GLI2: variants seen among roughly 807,000 people sequenced by gnomAD.
The protein encoded by GLI2 is transcription activator GLI2.
GLI2 carries 22 observed loss-of-function variants against 78.9 expected under a neutral mutation model. That is an observed-to-expected ratio of 0.28 (90% CI 0.20 to 0.40). The LOEUF (loss-of-function observed/expected upper bound fraction) is 0.40, where lower values mean the gene tolerates loss of function less well. Ranked by LOEUF, GLI2 falls within the 10% of genes least tolerant of loss-of-function variation. GLI2 has a pLI of 1.00. For synonymous variants in GLI2, 974 were observed against 963.7 expected (o/e 1.01, Z -0.20); for missense variants, 2,097 against 2,213.2 (o/e 0.95, Z 1.05).
At chr2:120,804,661 G>C (rs1405695277) in intron 2 of GLI2, among the ~76,000 whole-genome samples, 1 of 152,222 alleles carries the variant, frequency 6.6e-6, no homozygotes, top group African/African-American at 2.4e-5. Context: ...ATGCTGCTGG[G>C]CTTGTTTTAT....
In GLI2 at chr2:120,929,937, A is replaced by C. The variant is rs1573620522; in HGVS notation, c.254+2471A>C. Among the ~76,000 whole-genome samples, 3 of 152,320 alleles carry C rather than the reference A, an allele frequency of 2.0e-5. No individual in the cohort carries two copies. In the South Asian group the frequency reaches 6.2e-4, roughly 32 times the overall value. Reference sequence around the variant, plus strand: ...CCAGTCAGTGGTGTCTGAGACTCCTAGGAGCATCCAGGGAGCTCAGTCCCT... The same window carrying C: ...CCAGTCAGTGGTGTCTGAGACTCCTCGGAGCATCCAGGGAGCTCAGTCCCT... On this transcript the variant is annotated intron_variant, in intron 3 of 13. Coordinates refer to ENST00000361492, the MANE Select transcript of GLI2 (RefSeq NM_001374353.1).
chr2:120,794,628 CGT>C (rs1684301827), intron 1 of GLI2, among the ~76,000 whole-genome samples: 1 of 151,916 alleles, frequency 6.6e-6, no homozygotes, highest in Non-Finnish European at 1.5e-5. Flanking sequence ...TCACAGTCTT[CGT>C]GTGTGTGGCG....
chr2:120,984,852 C>T, intron 12 of GLI2, 109 bp downstream of exon 12: 1 of 1,092,024 alleles, frequency 9.2e-7, no homozygotes, highest in Non-Finnish European at 1.4e-6. Flanking sequence ...TCTAGGGGCA[C>T]AGCGATATCC....
chr2:120,869,318 A>G (rs11681911), intron 2 of GLI2, among the ~76,000 whole-genome samples: 3 of 152,224 alleles, frequency 2.0e-5, no homozygotes, highest in Non-Finnish European at 2.9e-5. Flanking sequence ...GCCACTTGGT[A>G]TAATGGGCAC....
At chr2:120,790,451 T>G (rs1684117894) in intron 1 of GLI2, among the ~76,000 whole-genome samples, 1 of 152,144 alleles carries the variant, frequency 6.6e-6, no homozygotes, top group South Asian at 2.1e-4. Flanking sequence ...GCTCCCCTCC[T>G]GAGTTTGCCA....
intron 2 of GLI2, among the ~76,000 whole-genome samples, chr2:120,867,598 G>A (rs1221727971): frequency 6.6e-6 from 1 of 152,228 alleles, no homozygotes; most frequent in Non-Finnish European, 1.5e-5. Context: ...CCGCACGCTG[G>A]GTAAGTTGAA....
In GLI2 at chr2:120,991,634, C is replaced by T. The variant is rs1189631544; in HGVS notation, c.*959C>T. On this transcript the variant is annotated 3_prime_UTR_variant, in exon 14 of 14. Coordinates refer to ENST00000361492, the MANE Select transcript of GLI2 (RefSeq NM_001374353.1). The stretch of plus-strand genomic sequence containing the variant: ...GTAGGAAGAGGAAGTTGCGTGTTTA[C>T]CCAATCCTGTTTCTCCAATGCAACG... 2.0e-5 allele frequency: 3 copies of T among 152,662 alleles called. No individual in the cohort carries two copies. The highest frequency in any genetic ancestry group is 7.2e-5 in the African/African-American group (3 of 41,460). The allele number at this position is 152,662 out of a possible 1,614,324, so 9.5% of individuals were successfully genotyped here. A position where few individuals can be genotyped will look rare whatever the true frequency, so the allele number is the denominator to read the frequency against.
At chr2:120,842,903 A>G (rs1686953152) in intron 2 of GLI2, among the ~76,000 whole-genome samples, 1 of 152,222 alleles carries the variant, frequency 6.6e-6, no homozygotes, top group African/African-American at 2.4e-5. Flanking sequence ...TGAAATGAAT[A>G]CATTCCATGA....
intron 2 of GLI2, among the ~76,000 whole-genome samples, chr2:120,908,040 T>G (rs1460955286): frequency 6.6e-6 from 1 of 152,172 alleles, no homozygotes; most frequent in Non-Finnish European, 1.5e-5. Context: ...GGAGCCCTGG[T>G]GTGGACAGCA....
At chr2:120,905,718 C>T (rs914191690) in intron 2 of GLI2, among the ~76,000 whole-genome samples, 4 of 152,204 alleles carry the variant, frequency 2.6e-5, no homozygotes, top group South Asian at 2.1e-4. Context: ...TCAGCAGGAA[C>T]GAACGTTCTC....
intron 11 of GLI2, among the ~76,000 whole-genome samples, 180 bp downstream of exon 11, chr2:120,983,060 T>C (rs1682790463): frequency 6.6e-6 from 1 of 152,108 alleles, no homozygotes; most frequent in Admixed American, 6.5e-5. Context: ...ACCGGTCTCT[T>C]TCTCTATGCC....
rs768610294 is a variant in GLI2 at position 120,945,706 on chromosome 2, GC to G, written c.255-5533del. Among the ~76,000 whole-genome samples the G allele has an allele frequency of 2.7e-4, 41 of 152,264 alleles. 1 individual carries two copies. The Middle Eastern group carries it at 0.01, about 38-fold the overall frequency. ...GCTCTCCCCTGCATGGCCTCCAGCAGCCCCACGCTTGCACCCTACGAGCTCA... is the reference window on the plus strand; with the variant it reads ...GCTCTCCCCTGCATGGCCTCCAGCAGCCCACGCTTGCACCCTACGAGCTCA... On this transcript the variant is annotated intron_variant, in intron 3 of 13. Transcript: ENST00000361492.
chr2:120,747,223 T>G (rs1207824252), intron 1 of GLI2, among the ~76,000 whole-genome samples: 4 of 152,010 alleles, frequency 2.6e-5, no homozygotes, highest in Non-Finnish European at 5.9e-5. Flanking sequence ...AGATGGGAGG[T>G]GCTAGCTAGA....
At chr2:120,789,502 G>A (rs1322607747) in intron 1 of GLI2, among the ~76,000 whole-genome samples, 1 of 152,134 alleles carries the variant, frequency 6.6e-6, no homozygotes, top group Admixed American at 6.5e-5. Context: ...GGGCAGACTG[G>A]ATGGTCACCA....
rs145132660 is a variant in GLI2, at chr2:120,971,939, A to C, written c.1060-2A>C. The C allele has an allele frequency of 2.4e-5, 39 of 1,613,548 alleles. No homozygotes were observed. Among genetic ancestry groups the C allele is most frequent in the Non-Finnish European group, 3.1e-5 (37 of 1,179,800 alleles). ...CAGACTGTCCTCTGCACCCTTCCTC[A>C]GAACAAGCAGAGCAGTGAGTCGGCC... On this transcript the variant is annotated splice_acceptor_variant, in intron 7 of 13. Coordinates refer to ENST00000361492, the MANE Select transcript of GLI2 (RefSeq NM_001374353.1). LOFTEE classifies it high-confidence loss of function.
At chr2:120,865,962 A>G (rs187193180) in intron 2 of GLI2, among the ~76,000 whole-genome samples, 1 of 152,324 alleles carries the variant, frequency 6.6e-6, no homozygotes, top group Non-Finnish European at 1.5e-5. Flanking sequence ...TGGGGCCAGC[A>G]CTGCCCAGAC....
chr2:120,822,884 C>A (rs1042246964), intron 2 of GLI2, among the ~76,000 whole-genome samples: 1 of 152,212 alleles, frequency 6.6e-6, no homozygotes, highest in Non-Finnish European at 1.5e-5. Context: ...ACACTCTGAA[C>A]CCATCTTCTG....
At chr2:120,811,913 C>T (rs1373574778) in intron 2 of GLI2, among the ~76,000 whole-genome samples, 4 of 151,986 alleles carry the variant, frequency 2.6e-5, no homozygotes, top group Non-Finnish European at 5.9e-5. Flanking sequence ...TACTATGCGC[C>T]GGGCAGTGTA....
At chr2:120,983,052 C>T (rs936359851) in intron 11 of GLI2, among the ~76,000 whole-genome samples, 172 bp downstream of exon 11, 16 of 152,092 alleles carry the variant, frequency 1.1e-4, no homozygotes, top group African/African-American at 3.6e-4. Context: ...CTAGACAGAC[C>T]GGTCTCTTTC....
Sources: allele counts gnomAD v4.1 joint callset (sites outside exome capture counted in the v4.1 genomes callset), GRCh38; gene constraint gnomAD v4.1.1; transcripts MANE v1.5; gene names NCBI Gene and HGNC (gene_info 2026-07-23, HGNC 2026-07-21).